Variants in FOXO1 observed in about 807,000 individuals in gnomAD.
The protein encoded by FOXO1 is forkhead box protein O1.
FOXO1 carries 6 observed loss-of-function variants against 44.1 expected under a neutral mutation model. That is an observed-to-expected ratio of 0.14 (90% CI 0.07 to 0.27). The LOEUF (loss-of-function observed/expected upper bound fraction) is 0.27, where lower values mean the gene tolerates loss of function less well. Among genes scored for constraint, FOXO1 ranks in the 10% least tolerant of loss-of-function variants. The pLI is 1.00. For missense variants in FOXO1, 737 were observed against 888.8 expected (o/e 0.83, Z 2.17); for synonymous variants, 380 against 362.7 (o/e 1.05, Z -0.54).
At chr13:40,561,007 C>G in intron 1 of FOXO1, 147 bp from the exon 2 acceptor site, 1 of 708,408 alleles carries the variant, frequency 1.4e-6, no homozygotes, top group South Asian at 2.0e-5. Flanking sequence ...GGCTCTGAAG[C>G]CACTACAAAA....
intron 1 of FOXO1, among the ~76,000 whole-genome samples, chr13:40,567,938 A>C (rs537474324): frequency 2.6e-5 from 4 of 152,090 alleles, no homozygotes; most frequent in African/African-American, 9.7e-5. Flanking sequence ...ACTGCACTCT[A>C]GACTGGGCAA....
Position 40,560,745 on chromosome 13 carries a change from G to T in FOXO1, c.746C>A (p.Ser249Tyr). 6.2e-7 allele frequency: 1 copy of T among 1,614,178 alleles called. No homozygotes were observed. The highest frequency in any genetic ancestry group is 8.5e-7 in the Non-Finnish European group (1 of 1,180,034). The change falls in exon 2 of 3, where the codon TCT becomes TAT. Residue 249 changes from serine (S) to tyrosine (Y), a missense_variant. Physicochemically the swap from Ser to Tyr is moderately radical, Grantham distance 144. Around this residue, in one of 7 missense-constraint regions of FOXO1, gnomAD observed 136 missense variants for 186.4 expected, o/e 0.73. Coordinates refer to ENST00000379561, the MANE Select transcript of FOXO1 (RefSeq NM_002015.4). This position sits in a 1 kb window ranked among gnomAD's most constrained non-coding sequence, Gnocchi z 5.1. ...CATGGATGCAGCTCTTCTCCTAGGA[G>T]ATTTCCCGCTCTTGCCACCCTCTGG... ...LNPEGGKSGK[S>Y]PRRRAASMDN...
At chr13:40,654,469 C>A (rs1326776690) in intron 1 of FOXO1, among the ~76,000 whole-genome samples, 1 of 148,378 alleles carries the variant, frequency 6.7e-6, no homozygotes, top group Non-Finnish European at 1.5e-5. Flanking sequence ...TCACTGCACT[C>A]CAGCCTGGGC....
chr13:40,587,585 T>C (rs571191235), intron 1 of FOXO1, among the ~76,000 whole-genome samples: 4 of 152,222 alleles, frequency 2.6e-5, no homozygotes, highest in East Asian at 1.9e-4. Context: ...ATTAACCATG[T>C]TGATTACTAG....
chr13:40,618,826 C>A, intron 1 of FOXO1: 1 of 526,096 alleles, frequency 1.9e-6, no homozygotes. Flanking sequence ...GAGAAGATGG[C>A]AGCAAGAGCA....
intron 1 of FOXO1, among the ~76,000 whole-genome samples, chr13:40,655,635 TTC>T (rs1877833367): frequency 7.9e-6 from 1 of 127,356 alleles, no homozygotes; most frequent in South Asian, 2.9e-4. Flanking sequence ...TTTTCTACAC[TTC>T]TTTTTTTTTT....
At chr13:40,635,378 G>T (rs887250465) in intron 1 of FOXO1, among the ~76,000 whole-genome samples, 1 of 152,056 alleles carries the variant, frequency 6.6e-6, no homozygotes, top group Admixed American at 6.6e-5. Context: ...AAAAAAAACT[G>T]TTCCTGATAA....
At chr13:40,661,546 C>T (rs1287926874) in intron 1 of FOXO1, among the ~76,000 whole-genome samples, 2 of 151,824 alleles carry the variant, frequency 1.3e-5, no homozygotes, top group African/African-American at 4.8e-5. Flanking sequence ...ATCCGCCCAC[C>T]TTAGCCTCCC....
At chr13:40,583,723 T>A (rs151036877) in intron 1 of FOXO1, among the ~76,000 whole-genome samples, 1 of 152,246 alleles carries the variant, frequency 6.6e-6, no homozygotes, top group African/African-American at 2.4e-5. Flanking sequence ...AGGAATGTTG[T>A]GACTGTTTTG....
intron 1 of FOXO1, among the ~76,000 whole-genome samples, chr13:40,610,696 A>C (rs1326223958): frequency 6.6e-6 from 1 of 152,230 alleles, no homozygotes; most frequent in Non-Finnish European, 1.5e-5. Context: ...ACAAAGCTCT[A>C]TACTACAATC....
chr13:40,608,099 A>G (rs558844638), intron 1 of FOXO1, among the ~76,000 whole-genome samples: 25 of 152,380 alleles, frequency 1.6e-4, no homozygotes, highest in African/African-American at 5.3e-4. Flanking sequence ...GCCAAAGGCA[A>G]TAAGACACCA....
At chr13:40,662,225 C>T (rs962312615) in intron 1 of FOXO1, among the ~76,000 whole-genome samples, 3 of 141,540 alleles carry the variant, frequency 2.1e-5, no homozygotes, top group African/African-American at 7.8e-5. Flanking sequence ...AAAGAGGATA[C>T]CTCTAATAAA....
chr13:40,617,831 T>C lies in FOXO1; in HGVS notation c.630+47752A>G, dbSNP rs200501341. ...ACCAATGAAAGCATTAAGTGTTCTG[T>C]ACATTGTTTGTAATACAACAAATGA... is the stretch of plus-strand genomic sequence containing the variant. On this transcript the variant is annotated intron_variant, in intron 1 of 2. Coordinates refer to ENST00000379561, the MANE Select transcript of FOXO1 (RefSeq NM_002015.4). Among the ~76,000 whole-genome samples, 10 of 152,356 alleles carry C rather than the reference T, an allele frequency of 6.6e-5. No individual in the cohort carries two copies. In the East Asian group the frequency reaches 1.7e-3, roughly 26 times the overall value.
intron 1 of FOXO1, among the ~76,000 whole-genome samples, chr13:40,654,321 C>CT (rs1232932654): frequency 9.0e-5 from 1 of 11,168 alleles, no homozygotes; most frequent in African/African-American, 3.2e-4. Context: ...ACTAAAAATA[C>CT]TAAAAAAAAA....
Position 40,563,595 on chromosome 13 carries a change from C to T in FOXO1, c.631-2735G>A, listed in dbSNP as rs374497961. On this transcript the variant is annotated intron_variant, in intron 1 of 2. Transcript: ENST00000379561. ...TGACTGTCTCCTGTTCCCAAGAATC[C>T]CCACCTTCCTCCACACCCAAGATCT... Among the ~76,000 whole-genome samples, 7 of 150,884 alleles carry T rather than the reference C, an allele frequency of 4.6e-5. No homozygotes were observed. The East Asian group carries it at 1.4e-3, about 30-fold the overall frequency.
rs996792680 is a variant in FOXO1, at chr13:40,598,421, T to C, written c.631-37561A>G. 1.2e-4 allele frequency among the ~76,000 whole-genome samples: 18 copies of C among 152,272 alleles called. No homozygotes were observed. The South Asian group carries it at 3.3e-3, about 28-fold the overall frequency. ...TGATTGAATTCATGACCATTTCTGA[T>C]ATATTATTTGCAAGAGGGAACAAAA... On this transcript the variant is annotated intron_variant, in intron 1 of 2. Transcript: ENST00000379561.
At chr13:40,605,581 T>A (rs946229619) in intron 1 of FOXO1, among the ~76,000 whole-genome samples, 1 of 152,020 alleles carries the variant, frequency 6.6e-6, no homozygotes, top group Non-Finnish European at 1.5e-5. Context: ...TCCCCCTGAA[T>A]CTCCTCTCAA....
intron 1 of FOXO1, among the ~76,000 whole-genome samples, chr13:40,616,423 A>T (rs1454515239): frequency 6.6e-6 from 1 of 152,222 alleles, no homozygotes; most frequent in Non-Finnish European, 1.5e-5. Flanking sequence ...GAACTAAAAC[A>T]GGTACTCTGA....
chr13:40,622,553 G>C (rs1187055526), intron 1 of FOXO1, among the ~76,000 whole-genome samples: 2 of 152,012 alleles, frequency 1.3e-5, no homozygotes, highest in Admixed American at 6.6e-5. Flanking sequence ...TTCTTTTCTA[G>C]CAAAAGGCAA....
Sources: allele counts gnomAD v4.1 joint callset (sites outside exome capture counted in the v4.1 genomes callset), GRCh38; gene constraint gnomAD v4.1.1; regional missense constraint gnomAD v4.1.1; non-coding constraint Gnocchi (gnomAD v3.1); transcripts MANE v1.5; gene names NCBI Gene and HGNC (gene_info 2026-07-23, HGNC 2026-07-21).